The following SLC16A2 variants were observed in gnomAD, a reference collection of about 807,000 sequenced individuals.
The protein encoded by SLC16A2 is solute carrier family 16 member 2.
In SLC16A2, 3 loss-of-function variants were observed where a neutral mutation model predicts 27.2. That is an observed-to-expected ratio of 0.11 (90% CI 0.05 to 0.28). The LOEUF (loss-of-function observed/expected upper bound fraction) is 0.28, where lower values mean the gene tolerates loss of function less well. Ranked by LOEUF, SLC16A2 falls within the 10% of genes least tolerant of loss-of-function variation. The probability of loss-of-function intolerance (pLI) is 1.00; values close to 1 mark genes in which losing one functional copy is unlikely to be tolerated. For missense variants in SLC16A2, 295 were observed against 458.5 expected, an observed-to-expected ratio of 0.64 and a Z score of 3.26; for synonymous variants, 202 against 187.8, an observed-to-expected ratio of 1.08 and a Z score of -0.62.
chrX:74,427,434 C>T (rs1019883005), intron 1 of SLC16A2, among the ~76,000 whole-genome samples: 3 of 111,455 alleles, frequency 2.7e-5, no homozygotes, highest in Non-Finnish European at 3.8e-5. Flanking sequence ...AGTGTGCCTA[C>T]GGAAGTAGCA....
At chrX:74,513,963 G>T (rs1390496227) in intron 1 of SLC16A2, among the ~76,000 whole-genome samples, 2 of 111,616 alleles carry the variant, frequency 1.8e-5, no homozygotes, top group African/African-American at 6.5e-5. Flanking sequence ...TTAAATAATT[G>T]TTGAATAAAT....
intron 1 of SLC16A2, among the ~76,000 whole-genome samples, chrX:74,453,382 T>C (rs1928979726): frequency 9.1e-6 from 1 of 110,474 alleles, no homozygotes; most frequent in South Asian, 3.9e-4. Context: ...TTATCTTTGT[T>C]AGAGTTTACC....
intron 1 of SLC16A2, among the ~76,000 whole-genome samples, chrX:74,470,089 G>A (rs1929327029): frequency 9.0e-6 from 1 of 111,018 alleles, no homozygotes; most frequent in African/African-American, 3.3e-5. Context: ...TTTTCAGATT[G>A]GTGTCTTTCA....
chrX:74,522,886 C>T (rs1216148108), intron 2 of SLC16A2, among the ~76,000 whole-genome samples: 1 of 111,976 alleles, frequency 8.9e-6, no homozygotes, highest in Non-Finnish European at 1.9e-5. Context: ...AATCATCCTT[C>T]CTGTTGTCTC....
At chrX:74,479,894 A>G (rs1291594213) in intron 1 of SLC16A2, among the ~76,000 whole-genome samples, 3 of 111,994 alleles carry the variant, frequency 2.7e-5, no homozygotes, top group Non-Finnish European at 5.6e-5. Flanking sequence ...GTCTACCCCT[A>G]CTGGGGGTTG....
chrX:74,513,086 T>TTGAATTATA (rs1214406089), intron 1 of SLC16A2, among the ~76,000 whole-genome samples: 1 of 111,790 alleles, frequency 8.9e-6, no homozygotes, highest in East Asian at 2.8e-4. Context: ...AATTATACCA[T>TTGAATTATA]TGAATTATAT....
In SLC16A2 at chrX:74,472,971, G is replaced by T. The variant is rs777741782; in HGVS notation, c.431-48019G>T. 7.0e-4 allele frequency: 311 copies of T among 442,208 alleles called. 5 individuals are homozygous for T. In the South Asian group the frequency reaches 8.1e-3, roughly 12 times the overall value. The allele number at this position is 442,208 out of a possible 1,213,427, so 36.4% of individuals were successfully genotyped here. On this transcript the variant is annotated intron_variant, in intron 1 of 5. Coordinates refer to ENST00000587091, the MANE Select transcript of SLC16A2 (RefSeq NM_006517.5). ...ATCTGTTGTAACCTGTAGCTTCCCT[G>T]CCACTTCTCTGGCTCTCCGCTCCTG...
chrX:74,521,179 G>T (rs760338042), intron 2 of SLC16A2, 45 bp downstream of exon 2: 26 of 1,195,090 alleles, frequency 2.2e-5, no homozygotes, highest in Non-Finnish European at 2.9e-5. Context: ...CTGAGGGTTG[G>T]TTTTTTTCTG....
intron 1 of SLC16A2, among the ~76,000 whole-genome samples, chrX:74,484,822 T>A (rs1929686006): frequency 8.9e-6 from 1 of 112,306 alleles, no homozygotes; most frequent in Non-Finnish European, 1.9e-5. Flanking sequence ...TTGGTGGGGC[T>A]CTTTATGGCC....
In SLC16A2 at chrX:74,421,755, G is replaced by A. The variant is rs752157375; in HGVS notation, c.118G>A (p.Glu40Lys). The A allele has an allele frequency of 7.0e-6, 8 of 1,145,474 alleles. No individual in the cohort carries two copies. In the Admixed American group the frequency reaches 1.8e-4, roughly 26 times the overall value. The allele number at this position is 1,145,474 out of a possible 1,213,427, so 94.4% of individuals were successfully genotyped here. Residue 40 changes from glutamate to lysine, a missense_variant, in exon 1 of 6, where the codon GAG becomes AAG. This residue lies in a region of SLC16A2 where 92 missense variants were observed against 85.1 expected (regional missense o/e 1.08). Transcript: ENST00000587091. ...GGAGTCTGAGCCGGAGCCTGAGCCC[G>A]AGCCCGAGCCCGTGCCAGTGCCCCC... ...EPESEPEPEP[E>K]PEPVPVPPPE...
At chrX:74,513,440 C>T (rs1930266700) in intron 1 of SLC16A2, among the ~76,000 whole-genome samples, 1 of 111,847 alleles carries the variant, frequency 8.9e-6, no homozygotes, top group African/African-American at 3.3e-5. Context: ...AAACCTCTAC[C>T]TACTCTTTGC....
chrX:74,505,170 T>G (rs759296747), intron 1 of SLC16A2, among the ~76,000 whole-genome samples: 3 of 111,362 alleles, frequency 2.7e-5, no homozygotes, highest in Non-Finnish European at 3.8e-5. Context: ...AGGAGGAAAA[T>G]TCATCTATCC....
chrX:74,473,684 C>A (rs950687826), intron 1 of SLC16A2: 2 of 1,067,503 alleles, frequency 1.9e-6, no homozygotes, highest in African/African-American at 3.7e-5. Flanking sequence ...TGAGACAGCT[C>A]TCTTTGGTTC....
At chrX:74,431,861 T>C (rs1486783354) in intron 1 of SLC16A2, among the ~76,000 whole-genome samples, 3 of 111,582 alleles carry the variant, frequency 2.7e-5, no homozygotes, top group Admixed American at 9.5e-5. Flanking sequence ...TTTCTCTAAA[T>C]GTTGCTCTAA....
At chrX:74,511,460 C>A (rs1017050615) in intron 1 of SLC16A2, among the ~76,000 whole-genome samples, 8 of 112,273 alleles carry the variant, frequency 7.1e-5, no homozygotes, top group Non-Finnish European at 1.5e-4. Context: ...GGATTACAGG[C>A]GTGAGCCACC....
chrX:74,439,927 A>G (rs1928711543), intron 1 of SLC16A2, among the ~76,000 whole-genome samples: 1 of 112,073 alleles, frequency 8.9e-6, no homozygotes. Context: ...TGGTGGCTGG[A>G]TAACTTCTCA....
chrX:74,504,145 T>G (rs959850984), intron 1 of SLC16A2, among the ~76,000 whole-genome samples: 6 of 111,679 alleles, frequency 5.4e-5, no homozygotes, highest in African/African-American at 1.3e-4. Context: ...ATGAGATAAG[T>G]GCTGAAAAAG....
chrX:74,426,064 G>A (rs1477570241), intron 1 of SLC16A2, among the ~76,000 whole-genome samples: 1 of 112,055 alleles, frequency 8.9e-6, no homozygotes, highest in African/African-American at 3.2e-5. Context: ...AGGTTGGGTG[G>A]GGCCAGGTAG....
chrX:74,472,571 T>G, intron 1 of SLC16A2, among the ~76,000 whole-genome samples: 1 of 111,966 alleles, frequency 8.9e-6, no homozygotes. Flanking sequence ...TTCATTCTTA[T>G]GCAAGTACCA....
Sources: allele counts gnomAD v4.1 joint callset (sites outside exome capture counted in the v4.1 genomes callset), GRCh38; gene constraint gnomAD v4.1.1; regional missense constraint gnomAD v4.1.1; transcripts MANE v1.5; gene names NCBI Gene and HGNC (gene_info 2026-07-23, HGNC 2026-07-21).